Variants in ALOX12B observed in about 807,000 individuals in gnomAD.
ALOX12B encodes arachidonate 12-lipoxygenase, 12R-type.
ALOX12B carries 47 observed loss-of-function variants against 78.9 expected under a neutral mutation model. The ratio of observed to expected loss-of-function variants is 0.60; its 90% CI spans 0.47 to 0.76. ALOX12B has a LOEUF of 0.76. ALOX12B is among the 30% of genes least tolerant of loss of function. ALOX12B has a pLI of 0.00. For missense variants in ALOX12B, 805 were observed against 922.6 expected (o/e 0.87, Z 1.65); for synonymous variants, 370 against 374.5 (o/e 0.99, Z 0.14).
intron 8 of ALOX12B, among the ~76,000 whole-genome samples, chr17:8,078,552 C>T (rs1269349209): frequency 6.6e-6 from 1 of 150,950 alleles, no homozygotes; most frequent in African/African-American, 2.4e-5. Context: ...GGGAGAATCG[C>T]TTGAGCCCAG....
intron 10 of ALOX12B, 39 bp from the exon 11 acceptor site, chr17:8,076,383 T>A (rs1977083238): frequency 3.2e-6 from 5 of 1,560,174 alleles, no homozygotes; most frequent in Non-Finnish European, 4.3e-6. Context: ...CGGACAGGCA[T>A]CCCTGGAACC....
Position 8,073,270 on chromosome 17 carries a change from G to A in ALOX12B, c.1804C>T (p.Pro602Ser), listed in dbSNP as rs759520091. ...GTCAGCCCCTTAGTCTGAATCGGTG[G>A]ATTCCGCATGGACGCTGGGAAGTTG... ...MPNFPASMRN[P>S]PIQTKGLTTL... The change falls in exon 14 of 15, where the codon CCA becomes TCA. Residue 602 changes from proline to serine, a missense_variant. Pro to Ser is a moderately conservative substitution (Grantham distance 74). Coordinates refer to ENST00000647874, the MANE Select transcript of ALOX12B (RefSeq NM_001139.3). 6.2e-6 allele frequency: 10 copies of A among 1,614,074 alleles called. No individual in the cohort carries two copies. The Admixed American group carries it at 6.7e-5, about 11-fold the overall frequency.
At chr17:8,078,323 A>G (rs1333577238) in intron 8 of ALOX12B, among the ~76,000 whole-genome samples, 2 of 151,266 alleles carry the variant, frequency 1.3e-5, no homozygotes, top group Non-Finnish European at 3.0e-5. Flanking sequence ...TAATTTTTGT[A>G]GTTTTAGTAA....
intron 13 of ALOX12B, 87 bp downstream of exon 13, chr17:8,073,570 C>T: frequency 7.8e-7 from 1 of 1,286,810 alleles, no homozygotes; most frequent in African/African-American, 1.5e-5. Flanking sequence ...GGGATTATGG[C>T]TGAGGCTGGG....
At chr17:8,086,895 G>A (rs1598184784) in intron 1 of ALOX12B, among the ~76,000 whole-genome samples, 2 of 152,112 alleles carry the variant, frequency 1.3e-5, no homozygotes, top group South Asian at 2.1e-4. Context: ...CAGGTGGAAA[G>A]GATTGAGAAA....
intron 1 of ALOX12B, among the ~76,000 whole-genome samples, chr17:8,086,898 T>A (rs1283305388): frequency 6.7e-6 from 1 of 149,802 alleles, no homozygotes; most frequent in Non-Finnish European, 1.5e-5. Context: ...GTGGAAAGGA[T>A]TGAGAAAAGA....
Position 8,079,977 on chromosome 17 carries a change from CG to C in ALOX12B, c.755-37del, listed in dbSNP as rs1215865747. The C allele has an allele frequency of 6.3e-7, 1 of 1,597,550 alleles. No homozygotes were observed. The highest frequency in any genetic ancestry group is 1.7e-5 in the Admixed American group (1 of 57,180). ...GGCGCGAGGGCGTCACAAGGAGGCC[CG>C]GCCCCCCTCGGGGACGGAGAGGCAT... On this transcript the variant is annotated intron_variant, in intron 6 of 14. Coordinates refer to ENST00000647874, the MANE Select transcript of ALOX12B (RefSeq NM_001139.3). The surrounding 1 kb of genome is among the most constrained non-coding windows in gnomAD (Gnocchi z 6.4).
chr17:8,079,945 C>G lies in ALOX12B; in HGVS notation c.755-4G>C, dbSNP rs780374238. 14 of 1,610,358 alleles carry G rather than the reference C, an allele frequency of 8.7e-6. No individual in the cohort carries two copies. The highest frequency in any genetic ancestry group is 1.6e-4 in the Middle Eastern group (1 of 6,070). On this transcript the variant is annotated splice_polypyrimidine_tract_variant and splice_region_variant and intron_variant, in intron 6 of 14. Coordinates refer to ENST00000647874, the MANE Select transcript of ALOX12B (RefSeq NM_001139.3). This position sits in a 1 kb window ranked among gnomAD's most constrained non-coding sequence, Gnocchi z 6.4. ...GCCCAGTGCTCGGCCACGTACTCTG[C>G]GAGGACGGCGCGAGGGCGTCACAAG...
chr17:8,079,477 G>A lies in ALOX12B; in HGVS notation c.990C>T (p.Ser330=). The change falls in exon 8 of 15, where the codon AGC becomes AGT. Residue 330 remains serine, a synonymous_variant. Coordinates refer to ENST00000647874, the MANE Select transcript of ALOX12B (RefSeq NM_001139.3). The surrounding 1 kb of genome is among the most constrained non-coding windows in gnomAD (Gnocchi z 6.4). Reference sequence around the variant, plus strand: ...GGGCGCAGTGGTGCTGCTTCCGGCCGCTGAGCTCCACGGTGGGGATGCCCT... The same window carrying A: ...GGGCGCAGTGGTGCTGCTTCCGGCCACTGAGCTCCACGGTGGGGATGCCCT... ...IMEGIPTVEL[S]GRKQHHCAPL... 1 of 1,550,994 alleles carries A rather than the reference G, an allele frequency of 6.4e-7. No individual in the cohort carries two copies.
chr17:8,080,354 C>G lies in ALOX12B; in HGVS notation c.651-16G>C. 6.2e-7 allele frequency: 1 copy of G among 1,613,728 alleles called. No individual in the cohort carries two copies. The highest frequency in any genetic ancestry group is 1.1e-5 in the South Asian group (1 of 91,074). ...AGCCAGTGCCCTAGGAGATGGGATT[C>G]CAGGAAGAGGCCTTCAGAGGGGCTG... On this transcript the variant is annotated splice_polypyrimidine_tract_variant and intron_variant, in intron 5 of 14. Transcript: ENST00000647874. This position sits in a 1 kb window ranked among gnomAD's most constrained non-coding sequence, Gnocchi z 4.8.
chr17:8,087,237 GAC>G (rs573151221), intron 1 of ALOX12B, 57 bp downstream of exon 1: 9,137 of 816,378 alleles, frequency 0.011, 16 homozygotes, highest in East Asian at 0.026. Flanking sequence ...GACACACACA[GAC>G]ACACACACAC....
rs1977210217 is a variant in ALOX12B, at chr17:8,081,171, A to G, written c.369T>C (p.Asp123=). The G allele has an allele frequency of 6.2e-7, 1 of 1,613,808 alleles. No homozygotes were observed. The highest frequency in any genetic ancestry group is 1.3e-5 in the African/African-American group (1 of 74,856). ...LREATGKTTA[D]DSLPVLLEHR... ...GCTCCAGGAGGACGGGGAGCGAGTC[A>G]TCTGCTGTTGTCTTTCCTGTAGGGA... is the stretch of plus-strand genomic sequence containing the variant. Residue 123 remains aspartate (D), a synonymous_variant, in exon 3 of 15, where the codon GAT becomes GAC. Transcript: ENST00000647874.
chr17:8,073,331 T>G lies in ALOX12B; in HGVS notation c.1756-13A>C. On this transcript the variant is annotated splice_polypyrimidine_tract_variant and intron_variant, in intron 13 of 14. Coordinates refer to ENST00000647874, the MANE Select transcript of ALOX12B (RefSeq NM_001139.3). The stretch of plus-strand genomic sequence containing the variant: ...CGGTGAACTCCATCTGGAGGTGGGA[T>G]AGAGGCGCGGGTCTGGGTGGAAGAG... The G allele has an allele frequency of 1.1e-5, 18 of 1,613,862 alleles. 1 individual carries two copies. The highest frequency in any genetic ancestry group is 1.5e-5 in the Non-Finnish European group (18 of 1,179,968).
rs1477956699 is a variant in ALOX12B, at chr17:8,087,513, G to A, written c.-71C>T. ...TGGAGGGGCCACACGAAGGCCCAAG[G>A]CAGGCAAGAGAAGCCAGGCACAGAG... On this transcript the variant is annotated 5_prime_UTR_variant, in exon 1 of 15. Transcript: ENST00000647874. The A allele has an allele frequency of 1.4e-5, 23 of 1,608,930 alleles. No individual in the cohort carries two copies. In the South Asian group the frequency reaches 2.0e-4, roughly 14 times the overall value.
chr17:8,081,074 G>T (rs759177455), intron 3 of ALOX12B, 32 bp downstream of exon 3: 3 of 1,612,572 alleles, frequency 1.9e-6, no homozygotes, highest in Non-Finnish European at 2.5e-6. Context: ...GACCCCTGCC[G>T]GGCGCCCAGA....
At chr17:8,073,783 C>A (rs777947596) in intron 12 of ALOX12B, 26 bp from the exon 13 acceptor site, 3 of 1,589,174 alleles carry the variant, frequency 1.9e-6, no homozygotes, top group East Asian at 4.5e-5. Flanking sequence ...AAAGCCCAGG[C>A]GACATCAGTC....
chr17:8,079,894 AC>A lies in ALOX12B; in HGVS notation c.801del (p.Gln267HisfsTer10). 1.2e-6 allele frequency: 2 copies of A among 1,613,290 alleles called. No homozygotes were observed. Among genetic ancestry groups the A allele is most frequent in the Non-Finnish European group, 1.7e-6 (2 of 1,179,870 alleles). ...AGGCCGGGGTTGACGCCGTTGAGGT[AC>A]TGGTACCCAAAGAAGGTGTCCTCTG... Reference protein sequence around the residue: ...HWAEDTFFGYQYLNGVNPGLI... With the variant: ...HWAEDTFFGYXYLNGVNPGLI... On this transcript the variant is annotated frameshift_variant, in exon 7 of 15. Coordinates refer to ENST00000647874, the MANE Select transcript of ALOX12B (RefSeq NM_001139.3). LOFTEE classifies it high-confidence loss of function. The surrounding 1 kb of genome is among the most constrained non-coding windows in gnomAD (Gnocchi z 6.4).
Position 8,080,890 on chromosome 17 carries a change from C to A in ALOX12B, c.521G>T (p.Arg174Leu). The A allele has an allele frequency of 6.2e-7, 1 of 1,613,876 alleles. No individual in the cohort carries two copies. Among genetic ancestry groups the A allele is most frequent in the Non-Finnish European group, 8.5e-7 (1 of 1,179,982 alleles). ...CACAGCTTCGGGTCCTTACTCAGGCCGGTTGGGGTTGCGATGCCTCCGCAC... is the reference window on the plus strand; with the variant it reads ...CACAGCTTCGGGTCCTTACTCAGGCAGGTTGGGGTTGCGATGCCTCCGCAC... The part of the protein sequence containing the change: ...PPVRRHRNPN[R>L]PEWNGYIPGF... Residue 174 changes from arginine (R) to leucine (L), a missense_variant, in exon 4 of 15, where the codon CGG becomes CTG. Arg to Leu is a moderately radical substitution (Grantham distance 102). Transcript: ENST00000647874. The surrounding 1 kb of genome is among the most constrained non-coding windows in gnomAD (Gnocchi z 4.8).
At position 8,079,710 on chromosome 17, in the gene ALOX12B, G is replaced by C; in HGVS notation, c.927+59C>G. The C allele has an allele frequency of 9.5e-6, 15 of 1,572,542 alleles. No individual in the cohort carries two copies. The highest frequency in any genetic ancestry group is 1.3e-5 in the Non-Finnish European group (15 of 1,160,668). On this transcript the variant is annotated intron_variant, in intron 7 of 14. Coordinates refer to ENST00000647874, the MANE Select transcript of ALOX12B (RefSeq NM_001139.3). The surrounding 1 kb of genome is among the most constrained non-coding windows in gnomAD (Gnocchi z 6.4). ...CGGGCGCCGGAGGTGGGGAGAGACG[G>C]GGATGCCCGCGAGGGAGGCCGGGAG...
Sources: gnomAD v4.1 joint callset for allele counts (sites outside exome capture counted in the v4.1 genomes callset) on GRCh38, gnomAD v4.1.1 for gene constraint, Gnocchi (gnomAD v3.1) non-coding constraint, MANE v1.5 for transcripts, NCBI Gene and HGNC (gene_info 2026-07-23, HGNC 2026-07-21) for gene names.